RASSF5: variants seen among roughly 807,000 people sequenced by gnomAD.
The protein encoded by RASSF5 is Ras association domain family member 5.
RASSF5 carries 25 observed loss-of-function variants against 40.5 expected under a neutral mutation model. That is an observed-to-expected ratio of 0.62 (90% confidence interval 0.45 to 0.86). The LOEUF (loss-of-function observed/expected upper bound fraction) is 0.86. Ranked by LOEUF, RASSF5 falls within the 40% of genes least tolerant of loss-of-function variation. The pLI is 0.00. For missense variants in RASSF5, 521 were observed against 572.8 expected (o/e 0.91, Z 0.92); for synonymous variants, 246 against 252.4 (o/e 0.97, Z 0.24).
chr1:206,522,549 C>G (rs1666935653), intron 1 of RASSF5, among the ~76,000 whole-genome samples: 1 of 152,172 alleles, frequency 6.6e-6, no homozygotes, highest in Non-Finnish European at 1.5e-5. Context: ...CACCCTCCCC[C>G]AAACCATTTA....
At chr1:206,563,607 C>T (rs1668207952) in intron 2 of RASSF5, among the ~76,000 whole-genome samples, 1 of 152,212 alleles carries the variant, frequency 6.6e-6, no homozygotes, top group Admixed American at 6.5e-5. Context: ...TACTCCAGAG[C>T]TACTGGCTCC....
intron 2 of RASSF5, among the ~76,000 whole-genome samples, chr1:206,574,645 T>C (rs1553404835): frequency 6.6e-6 from 1 of 152,180 alleles, no homozygotes; most frequent in East Asian, 1.9e-4. Flanking sequence ...GGGAACACAG[T>C]TAAGGAGTTC....
chr1:206,562,921 C>CA (rs75427222), intron 2 of RASSF5, among the ~76,000 whole-genome samples: 95 of 144,554 alleles, frequency 6.6e-4, no homozygotes, highest in Middle Eastern at 3.5e-3. Flanking sequence ...GTCTCTGTCT[C>CA]AAAAAAAAAA....
intron 2 of RASSF5, among the ~76,000 whole-genome samples, chr1:206,549,459 C>G (rs1190444389): frequency 6.6e-6 from 1 of 152,062 alleles, no homozygotes; most frequent in African/African-American, 2.4e-5. Context: ...GTGTCTTTGA[C>G]CAATGCTAAT....
At chr1:206,583,096 C>CA (rs1264760795) in intron 2 of RASSF5, 173 bp from the exon 3 acceptor site, 1 of 559,464 alleles carries the variant, frequency 1.8e-6, no homozygotes, top group Non-Finnish European at 3.3e-6. Context: ...TAGACACTGG[C>CA]ACAGCTGCAA....
intron 2 of RASSF5, among the ~76,000 whole-genome samples, chr1:206,580,526 T>C (rs1668829901): frequency 6.6e-6 from 1 of 152,044 alleles, no homozygotes; most frequent in Non-Finnish European, 1.5e-5. Context: ...GCACATCTGG[T>C]CCCATAGACA....
At chr1:206,574,917 T>G (rs1477655678) in intron 2 of RASSF5, among the ~76,000 whole-genome samples, 2 of 144,762 alleles carry the variant, frequency 1.4e-5, no homozygotes, top group Non-Finnish European at 1.5e-5. Flanking sequence ...TGGAGTGCAG[T>G]GGCGCAATCT....
In RASSF5 at chr1:206,570,174, C is replaced by T. The variant is rs569576081; in HGVS notation, c.580-13095C>T. On this transcript the variant is annotated intron_variant, in intron 2 of 5. Coordinates refer to ENST00000579436, the MANE Select transcript of RASSF5 (RefSeq NM_182663.4). ...TGGTGCAATATTGGCTCACTGTAAC[C>T]TCTGCCTCCCAGGTTCAAGTGATTC... Among the ~76,000 whole-genome samples, 3 of 149,902 alleles carry T rather than the reference C, an allele frequency of 2.0e-5. No individual in the cohort carries two copies. The East Asian group carries it at 5.9e-4, about 30-fold the overall frequency.
intron 1 of RASSF5, chr1:206,529,730 A>G (rs1404663583): frequency 3.4e-6 from 2 of 591,772 alleles, no homozygotes; most frequent in Admixed American, 5.4e-5. Flanking sequence ...AGTTTTCTGT[A>G]CATAAAAATA....
At chr1:206,529,954 G>T (rs185784956) in intron 1 of RASSF5, among the ~76,000 whole-genome samples, 86 of 152,060 alleles carry the variant, frequency 5.7e-4, no homozygotes, top group African/African-American at 2.0e-3. Context: ...TAAAAATTGG[G>T]GTAGAAACAC....
At chr1:206,536,496 A>G (rs1667415248) in intron 1 of RASSF5, among the ~76,000 whole-genome samples, 1 of 152,054 alleles carries the variant, frequency 6.6e-6, no homozygotes. Flanking sequence ...CGTGCAAGAA[A>G]CATGGTCCAG....
At position 206,584,786 on chromosome 1, in the gene RASSF5, T is replaced by C; in HGVS notation, c.988+102T>C. ...GCCTTGGGTGGGAGCTGTGGGCTTC[T>C]CCTGAGCACCAGGGGTCCAGCTGCC... On this transcript the variant is annotated intron_variant, in intron 4 of 5. Transcript: ENST00000579436. This position sits in a 1 kb window ranked among gnomAD's most constrained non-coding sequence, Gnocchi z 4.9. 7.8e-7 allele frequency: 1 copy of C among 1,280,886 alleles called. No individual in the cohort carries two copies. Among genetic ancestry groups the C allele is most frequent in the Non-Finnish European group, 1.1e-6 (1 of 913,414 alleles). The allele number at this position is 1,280,886 out of a possible 1,614,324, so 79.3% of individuals were successfully genotyped here. A position where few individuals can be genotyped will look rare whatever the true frequency, so the allele number is the denominator to read the frequency against.
At chr1:206,545,390 A>G (rs1451193190) in intron 2 of RASSF5, among the ~76,000 whole-genome samples, 2 of 138,134 alleles carry the variant, frequency 1.4e-5, no homozygotes, top group African/African-American at 2.7e-5. Flanking sequence ...CACTCTTTTC[A>G]CCCAGGCTGG....
At position 206,507,905 on chromosome 1, in the gene RASSF5, C is replaced by G. The variant is rs1298286528; in HGVS notation, c.303C>G (p.Arg101=). Residue 101 remains arginine (R), a synonymous_variant, in exon 1 of 6, where the codon CGC becomes CGG. Transcript: ENST00000579436. ...LRRRPGAPRP[R]DVRSIFEQPQ... is the part of the protein sequence containing the mutation. ...GGCGGCCTGGAGCGCCCCGACCCCG[C>G]GACGTGCGGAGCATCTTCGAGCAGC... The G allele has an allele frequency of 6.6e-7, 1 of 1,506,680 alleles. No homozygotes were observed. Among genetic ancestry groups the G allele is most frequent in the Non-Finnish European group, 8.8e-7 (1 of 1,135,298 alleles). 93.3% of individuals were successfully genotyped at this position (1,506,680 alleles called of 1,614,324 possible).
intron 2 of RASSF5, among the ~76,000 whole-genome samples, chr1:206,555,027 T>A (rs781907147): frequency 6.6e-6 from 1 of 152,304 alleles, no homozygotes; most frequent in Non-Finnish European, 1.5e-5. Context: ...AGTTTCCTTA[T>A]CTATAAAATG....
chr1:206,537,721 A>G (rs1460650942), intron 1 of RASSF5, among the ~76,000 whole-genome samples: 1 of 152,158 alleles, frequency 6.6e-6, no homozygotes, highest in African/African-American at 2.4e-5. Flanking sequence ...TCTGATTTTC[A>G]GCTTGGGGAT....
chr1:206,518,315 G>C (rs1572292332), intron 1 of RASSF5: 152 of 320,746 alleles, frequency 4.7e-4, no homozygotes, highest in Middle Eastern at 1.7e-3. Flanking sequence ...GGCCCTCCCC[G>C]GAGCCCTCCC....
In RASSF5 at chr1:206,587,161, G is replaced by A. The variant is rs897351867; in HGVS notation, c.*183G>A. 4.3e-5 allele frequency: 29 copies of A among 669,254 alleles called. No individual in the cohort carries two copies. The highest frequency in any genetic ancestry group is 7.1e-5 in the Non-Finnish European group (28 of 392,966). 41.5% of individuals were successfully genotyped at this position (669,254 alleles called of 1,614,324 possible). On this transcript the variant is annotated 3_prime_UTR_variant, in exon 6 of 6. Transcript: ENST00000579436. ...TTTGCACGAGGGTTCAGCTGTGCCCGCCCCCAGGCTGTGCCCCACCACAGA... is the reference window on the plus strand; with the variant it reads ...TTTGCACGAGGGTTCAGCTGTGCCCACCCCCAGGCTGTGCCCCACCACAGA...
intron 2 of RASSF5, among the ~76,000 whole-genome samples, chr1:206,568,320 G>A (rs1668337817): frequency 6.6e-6 from 1 of 152,198 alleles, no homozygotes. Flanking sequence ...GGGTTAACAG[G>A]GCACGCAGCA....
Sources: gnomAD v4.1 joint callset for allele counts (sites outside exome capture counted in the v4.1 genomes callset) on GRCh38, gnomAD v4.1.1 for gene constraint, Gnocchi (gnomAD v3.1) non-coding constraint, MANE v1.5 for transcripts, NCBI Gene and HGNC (gene_info 2026-07-23, HGNC 2026-07-21) for gene names.